SVOPL: variants seen among roughly 807,000 people sequenced by gnomAD.
SVOPL encodes the protein putative transporter SVOPL.
SVOPL carries 60 observed loss-of-function variants against 61.0 expected under a neutral mutation model. The observed-to-expected ratio is 0.98, with a 90% confidence interval of 0.80 to 1.22. SVOPL has a LOEUF of 1.22. Among genes scored for constraint, SVOPL ranks in the 50% most tolerant of loss-of-function variants. The pLI is 0.00. For missense variants in SVOPL, 662 were observed against 643.9 expected, an observed-to-expected ratio of 1.03 and a Z score of -0.30; for synonymous variants, 279 against 250.0, an observed-to-expected ratio of 1.12 and a Z score of -1.09.
In SVOPL at chr7:138,649,053, C is replaced by T. The variant is rs752083316; in HGVS notation, c.619G>A (p.Val207Ile). The T allele has an allele frequency of 1.4e-5, 23 of 1,613,600 alleles. No homozygotes were observed. The highest frequency in any genetic ancestry group is 1.3e-4 in the African/African-American group (10 of 74,808). ...AGGATGATGCCCGGGATGGAGGCGACGCGAATGAGCCAGCGCCACCCGATG... is the reference window on the plus strand; with the variant it reads ...AGGATGATGCCCGGGATGGAGGCGATGCGAATGAGCCAGCGCCACCCGATG... ...PTIGWRWLIR[V>I]ASIPGIILIV... The change falls in exon 8 of 16, where the codon GTC (valine) becomes ATC (isoleucine). Residue 207 changes from valine to isoleucine, a missense_variant. Coordinates refer to ENST00000674285, the MANE Select transcript of SVOPL (RefSeq NM_001139456.2).
At chr7:138,618,463 C>T (rs1333938402) in intron 14 of SVOPL, among the ~76,000 whole-genome samples, 1 of 152,116 alleles carries the variant, frequency 6.6e-6, no homozygotes. Flanking sequence ...AGTTTGAGAC[C>T]AGCCTGGCCA....
At chr7:138,618,647 C>A (rs543090358) in intron 14 of SVOPL, among the ~76,000 whole-genome samples, 12 of 149,714 alleles carry the variant, frequency 8.0e-5, no homozygotes, top group African/African-American at 3.0e-4. Context: ...GGTGACAGAG[C>A]GAGACAGAGA....
chr7:138,601,571 T>A (rs1048185237), intron 14 of SVOPL, among the ~76,000 whole-genome samples: 38 of 149,864 alleles, frequency 2.5e-4, no homozygotes, highest in Admixed American at 1.2e-3. Flanking sequence ...AAAAAAAAAA[T>A]CAGATACATA....
At chr7:138,610,273 C>A (rs1488447957) in intron 14 of SVOPL, among the ~76,000 whole-genome samples, 2 of 150,610 alleles carry the variant, frequency 1.3e-5, no homozygotes, top group African/African-American at 2.4e-5. Context: ...TCTGTCCATA[C>A]ATAAAAAAAG....
chr7:138,688,078 G>T (rs966042862), intron 1 of SVOPL, among the ~76,000 whole-genome samples: 5 of 152,188 alleles, frequency 3.3e-5, no homozygotes, highest in African/African-American at 1.2e-4. Context: ...TGGGATTACA[G>T]GCGTGAGCCA....
intron 12 of SVOPL, 137 bp downstream of exon 12, chr7:138,627,213 T>C (rs1014209569): frequency 8.1e-6 from 5 of 618,360 alleles, no homozygotes; most frequent in Admixed American, 5.6e-5. Context: ...GGCAAGACCA[T>C]TCTAGTCAAG....
At chr7:138,615,700 CAGG>C (rs1394202506) in intron 14 of SVOPL, among the ~76,000 whole-genome samples, 1 of 59,262 alleles carries the variant, frequency 1.7e-5, no homozygotes, top group Non-Finnish European at 4.1e-5. Flanking sequence ...AAGGCTGAGG[CAGG>C]AGAACTGTTT....
intron 8 of SVOPL, chr7:138,646,447 AT>A: frequency 5.6e-6 from 1 of 177,524 alleles, no homozygotes; most frequent in Admixed American, 5.2e-5. Flanking sequence ...TGTGTAGGTC[AT>A]TTTGGTGACT....
chr7:138,644,774 G>A lies in SVOPL; in HGVS notation c.732C>T (p.Arg244=), dbSNP rs765138699. The change falls in exon 9 of 16, where the codon CGC becomes CGT. Residue 244 remains arginine (R), a synonymous_variant. Transcript: ENST00000674285. ...TGACCGAGCGGTTCATCTTGGCAAC[G>A]CGCTCCAGAGTGGCCAGGGCAGCCC... ...NTRAALATLE[R]VAKMNRSVMP... 7.4e-6 allele frequency: 12 copies of A among 1,614,018 alleles called. No individual in the cohort carries two copies. The East Asian group carries it at 8.9e-5, about 12-fold the overall frequency.
chr7:138,642,287 C>CAAAAAAAAAAAAAAAAAAAAAAAAAAA (rs79469915), intron 9 of SVOPL, among the ~76,000 whole-genome samples: 1 of 111,672 alleles, frequency 9.0e-6, no homozygotes, highest in African/African-American at 3.6e-5. Context: ...GGAAATTAGC[C>CAAAAAAAAAAAAAAAAAAAAAAAAAAA]AAAAAAAAAA....
chr7:138,606,765 C>T (rs1331292993), intron 14 of SVOPL, among the ~76,000 whole-genome samples: 1 of 152,098 alleles, frequency 6.6e-6, no homozygotes. Context: ...ACCAGCCTGG[C>T]CAACATGGTG....
Position 138,649,142 on chromosome 7 carries a change from G to T in SVOPL, c.535-5C>A. The T allele has an allele frequency of 6.2e-7, 1 of 1,606,588 alleles. No homozygotes were observed. The highest frequency in any genetic ancestry group is 8.5e-7 in the Non-Finnish European group (1 of 1,177,080). On this transcript the variant is annotated splice_polypyrimidine_tract_variant and splice_region_variant and intron_variant, in intron 7 of 15. Transcript: ENST00000674285. ...GGAGCCCGCAAGCCAGAACACCTAG[G>T]AAGAGAGAAGTCCAGGATTAAAGTT...
intron 9 of SVOPL, among the ~76,000 whole-genome samples, chr7:138,640,603 G>A (rs968166799): frequency 4.6e-5 from 7 of 152,154 alleles, no homozygotes; most frequent in African/African-American, 1.7e-4. Flanking sequence ...ATGAAATCAT[G>A]TCCTTTACAA....
At chr7:138,666,676 G>A (rs945466436) in intron 4 of SVOPL, among the ~76,000 whole-genome samples, 1 of 151,774 alleles carries the variant, frequency 6.6e-6, no homozygotes, top group East Asian at 1.9e-4. Context: ...AGCTTATACA[G>A]AGAGTGCACA....
chr7:138,606,329 T>A (rs1798756600), intron 14 of SVOPL, among the ~76,000 whole-genome samples: 1 of 152,068 alleles, frequency 6.6e-6, no homozygotes, highest in Admixed American at 6.5e-5. Flanking sequence ...AGGAAAGCTC[T>A]CCACTGTGGA....
intron 9 of SVOPL, among the ~76,000 whole-genome samples, chr7:138,642,798 C>T (rs1800878085): frequency 6.9e-6 from 1 of 145,498 alleles, no homozygotes; most frequent in South Asian, 2.2e-4. Flanking sequence ...CTACTACACT[C>T]CAGCCTGGAC....
At chr7:138,636,702 C>G (rs529785180) in intron 9 of SVOPL, among the ~76,000 whole-genome samples, 6 of 151,952 alleles carry the variant, frequency 3.9e-5, no homozygotes, top group Non-Finnish European at 8.8e-5. Context: ...AACTCTTGGC[C>G]TCAGGTGACC....
intron 13 of SVOPL, among the ~76,000 whole-genome samples, chr7:138,622,315 G>GT (rs1799706548): frequency 1.9e-5 from 1 of 51,964 alleles, no homozygotes; most frequent in African/African-American, 6.7e-5. Flanking sequence ...TCTATCTATC[G>GT]ACAGAGTCTC....
At chr7:138,611,965 C>A (rs1470136123) in intron 14 of SVOPL, among the ~76,000 whole-genome samples, 1 of 17,908 alleles carries the variant, frequency 5.6e-5, no homozygotes. Context: ...GCGGGAAAGG[C>A]GGGGAAAGGA....
Sources: allele counts gnomAD v4.1 joint callset (sites outside exome capture counted in the v4.1 genomes callset), GRCh38; gene constraint gnomAD v4.1.1; transcripts MANE v1.5; gene names NCBI Gene and HGNC (gene_info 2026-07-23, HGNC 2026-07-21).